CEP63: variants seen among roughly 807,000 people sequenced by gnomAD.
The protein encoded by CEP63 is centrosomal protein of 63 kDa.
CEP63 carries 84 observed loss-of-function variants against 89.1 expected under a neutral mutation model. That is an observed-to-expected ratio of 0.94 (90% confidence interval 0.79 to 1.13). The LOEUF is 1.13. Ranked by LOEUF, CEP63 falls within the 50% of genes most tolerant of loss-of-function variation. The pLI, the probability that CEP63 is intolerant of heterozygous loss-of-function variation, is 0.00. For synonymous variants in CEP63, 267 were observed against 272.5 expected, an observed-to-expected ratio of 0.98 and a Z score of 0.20; for missense variants, 838 against 813.3, an observed-to-expected ratio of 1.03 and a Z score of -0.37.
chr3:134,530,329 T>C (rs1250188437), intron 3 of CEP63, among the ~76,000 whole-genome samples: 3 of 152,204 alleles, frequency 2.0e-5, no homozygotes, highest in African/African-American at 4.8e-5. Flanking sequence ...TTGATAGATA[T>C]AAAATGCCAT....
chr3:134,659,280 C>G, the CEP63 span, among the ~76,000 whole-genome samples: 1 of 152,166 alleles, frequency 6.6e-6, no homozygotes, highest in South Asian at 2.1e-4. Context: ...TGAAATGCCC[C>G]TTGCATATTC....
At position 134,523,460 on chromosome 3, in the gene CEP63, G is replaced by T. The variant is rs117741675; in HGVS notation, c.223-8385G>T. On this transcript the variant is annotated intron_variant, in intron 3 of 14. Coordinates refer to ENST00000675561, the MANE Select transcript of CEP63 (RefSeq NM_001353108.3). ...TTGGTGTCTTTGTCGTGAAATCTTT[G>T]TCTGTTTCCATGTCCAGAATGGCAT... Among the ~76,000 whole-genome samples the T allele has an allele frequency of 6.0e-3, 906 of 152,172 alleles. 22 individuals carry two copies. The South Asian group carries it at 0.074, about 12-fold the overall frequency.
chr3:134,486,575 C>T (rs1040969415), intron 1 of CEP63: 28 of 973,258 alleles, frequency 2.9e-5, no homozygotes, highest in East Asian at 1.2e-4. Flanking sequence ...GCGAGCTGCG[C>T]CCAGTACTCA....
chr3:134,659,884 T>C, the CEP63 span, among the ~76,000 whole-genome samples: 4 of 151,768 alleles, frequency 2.6e-5, no homozygotes, highest in African/African-American at 9.7e-5. Context: ...ATGCGGGAGA[T>C]TTTTCAGTGT....
chr3:134,607,568 C>T, the CEP63 span: 4 of 985,454 alleles, frequency 4.1e-6, no homozygotes, highest in Non-Finnish European at 3.6e-6. Context: ...GGCTGTGCAG[C>T]GTGCCCAGGC....
chr3:134,665,078 T>C, the CEP63 span, among the ~76,000 whole-genome samples: 4 of 152,196 alleles, frequency 2.6e-5, no homozygotes, highest in Admixed American at 2.6e-4. Flanking sequence ...AGGCCACTTC[T>C]GGTCCCACCC....
At chr3:134,509,173 T>G (rs935310532) in intron 3 of CEP63, among the ~76,000 whole-genome samples, 1 of 152,224 alleles carries the variant, frequency 6.6e-6, no homozygotes, top group Non-Finnish European at 1.5e-5. Context: ...GGCTCACAGT[T>G]CTGTAGAAAC....
the CEP63 span, among the ~76,000 whole-genome samples, chr3:134,632,193 A>G: frequency 6.6e-6 from 1 of 152,100 alleles, no homozygotes; most frequent in Non-Finnish European, 1.5e-5. Context: ...CTAATCTTTC[A>G]GTCATTGAGA....
At chr3:134,747,696 A>T in the CEP63 span, among the ~76,000 whole-genome samples, 1 of 152,194 alleles carries the variant, frequency 6.6e-6, no homozygotes, top group South Asian at 2.1e-4. Flanking sequence ...TCTGAAGTGT[A>T]GTCTGGAAGA....
chr3:134,664,522 A>G, the CEP63 span, among the ~76,000 whole-genome samples: 1 of 152,074 alleles, frequency 6.6e-6, no homozygotes, highest in Non-Finnish European at 1.5e-5. Context: ...CATGTACCTC[A>G]CTCTGGGATC....
At chr3:134,649,433 G>A in the CEP63 span, among the ~76,000 whole-genome samples, 3 of 152,154 alleles carry the variant, frequency 2.0e-5, no homozygotes, top group African/African-American at 7.2e-5. Flanking sequence ...GGGCTGACCT[G>A]GAACTAGGCC....
chr3:134,487,008 T>C (rs1248892556), intron 1 of CEP63, among the ~76,000 whole-genome samples: 1 of 152,228 alleles, frequency 6.6e-6, no homozygotes, highest in Non-Finnish European at 1.5e-5. Flanking sequence ...AGGTCGTCTT[T>C]TACAGTTTCA....
At chr3:134,700,227 G>T in the CEP63 span, among the ~76,000 whole-genome samples, 3 of 152,064 alleles carry the variant, frequency 2.0e-5, no homozygotes, top group Admixed American at 1.3e-4. Context: ...CAAACATTGC[G>T]AACATATCCT....
At position 134,559,338 on chromosome 3, in the gene CEP63, A is replaced by G; in HGVS notation, c.1862A>G (p.His621Arg). The stretch of plus-strand genomic sequence containing the variant: ...ACTTCCTACTCTCTATGTAAAACTC[A>G]TTCTTTGCCTTCAGCGCTAGATACA... The part of the protein sequence containing the change: ...SLTSYSLCKT[H>R]SLPSALDTNE... Residue 621 changes from histidine (H) to arginine (R), a missense_variant, in exon 14 of 15, where the codon CAT becomes CGT. By Grantham distance (29) the His-to-Arg change is conservative. Transcript: ENST00000675561. 1 of 1,613,680 alleles carries G rather than the reference A, an allele frequency of 6.2e-7. No homozygotes were observed. Among genetic ancestry groups the G allele is most frequent in the African/African-American group, 1.3e-5 (1 of 75,026 alleles).
the CEP63 span, chr3:134,647,636 A>C: frequency 3.4e-6 from 2 of 591,504 alleles, no homozygotes; most frequent in Admixed American, 6.8e-5. Flanking sequence ...CATGAATAAG[A>C]TGCCCTTGAG....
At position 134,561,134 on chromosome 3, in the gene CEP63, A is replaced by G. The variant is rs1394961103; in HGVS notation, c.1954-243A>G. Among the ~76,000 whole-genome samples, 4 of 152,262 alleles carry G rather than the reference A, an allele frequency of 2.6e-5. No homozygotes were observed. In the South Asian group the frequency reaches 8.3e-4, roughly 31 times the overall value. On this transcript the variant is annotated intron_variant, in intron 14 of 14. Transcript: ENST00000675561. ...GAAACATTCTTCAGACCAATAACTAATATATGATACTTTACATTGTTACAA... is the reference window on the plus strand; with the variant it reads ...GAAACATTCTTCAGACCAATAACTAGTATATGATACTTTACATTGTTACAA...
the CEP63 span, among the ~76,000 whole-genome samples, chr3:134,708,035 G>C: frequency 2.0e-5 from 3 of 152,164 alleles, no homozygotes; most frequent in Non-Finnish European, 4.4e-5. Context: ...GGAGGGACAG[G>C]ATAACCTAGG....
At chr3:134,501,856 A>G (rs1209565528) in intron 2 of CEP63, among the ~76,000 whole-genome samples, 2 of 152,080 alleles carry the variant, frequency 1.3e-5, no homozygotes, top group African/African-American at 2.4e-5. Context: ...CTAGGACATC[A>G]AGTACTAGGT....
intron 12 of CEP63, among the ~76,000 whole-genome samples, chr3:134,554,328 G>A (rs1316623521): frequency 6.7e-6 from 1 of 150,094 alleles, no homozygotes; most frequent in Non-Finnish European, 1.5e-5. Flanking sequence ...GTGAGAATAT[G>A]CAGTGTTTGG....
Sources: gnomAD v4.1 joint callset for allele counts (sites outside exome capture counted in the v4.1 genomes callset) on GRCh38, gnomAD v4.1.1 for gene constraint, MANE v1.5 for transcripts, NCBI Gene and HGNC (gene_info 2026-07-23, HGNC 2026-07-21) for gene names.